Variants in TPTE observed in about 807,000 individuals in gnomAD.
TPTE encodes putative tyrosine-protein phosphatase TPTE.
A neutral mutation model predicts 84.1 loss-of-function variants in TPTE; 59 were observed. The ratio of observed to expected loss-of-function variants is 0.70; its 90% confidence interval spans 0.57 to 0.87. The LOEUF (loss-of-function observed/expected upper bound fraction) is 0.87, where lower values mean the gene tolerates loss of function less well. Among genes scored for constraint, TPTE ranks in the 40% least tolerant of loss-of-function variants. The pLI is 0.00. For missense variants in TPTE, 382 were observed against 659.6 expected, an observed-to-expected ratio of 0.58 and a Z score of 4.61; for synonymous variants, 130 against 223.5, an observed-to-expected ratio of 0.58 and a Z score of 3.73.
intron 1 of TPTE, 120 bp from the exon 2 acceptor site, chr21:10,524,460 T>C (rs1373395069): frequency 1.3e-5 from 2 of 152,614 alleles, no homozygotes; most frequent in African/African-American, 2.4e-5. Flanking sequence ...TGGGTCAAGA[T>C]TTGATTTAAC....
At chr21:10,586,719 C>A (rs1406891050) in intron 17 of TPTE, among the ~76,000 whole-genome samples, 1 of 152,412 alleles carries the variant, frequency 6.6e-6, no homozygotes, top group Non-Finnish European at 1.5e-5. Context: ...AAGATTTCAA[C>A]CTGCATCCTT....
chr21:10,565,376 G>A (rs1385721137), intron 10 of TPTE, among the ~76,000 whole-genome samples: 2 of 152,310 alleles, frequency 1.3e-5, no homozygotes, highest in Non-Finnish European at 2.9e-5. Flanking sequence ...AAAATGGAAG[G>A]AGATTCCATG....
rs769757716 is a variant in TPTE, at chr21:10,603,545, T to A, written c.1450-17T>A. The A allele has an allele frequency of 2.2e-5, 35 of 1,597,150 alleles. No homozygotes were observed. The highest frequency in any genetic ancestry group is 1.2e-4 in the African/African-American group (9 of 74,250). On this transcript the variant is annotated splice_polypyrimidine_tract_variant and intron_variant, in intron 22 of 23. Transcript: ENST00000618007. ...TCTTGGTATCAGTTTTACTTTGAAA[T>A]TTTTTTTTCTTTTTAGAATCTTCCT...
chr21:10,548,413 A>G (rs1324127473), intron 7 of TPTE, among the ~76,000 whole-genome samples: 2 of 152,312 alleles, frequency 1.3e-5, no homozygotes, highest in Admixed American at 6.5e-5. Context: ...CCTAAGAAAG[A>G]GCTCCATGGG....
At chr21:10,581,354 C>G (rs1482590322) in intron 17 of TPTE, among the ~76,000 whole-genome samples, 1 of 152,308 alleles carries the variant, frequency 6.6e-6, no homozygotes, top group Non-Finnish European at 1.5e-5. Flanking sequence ...TTAACTAATG[C>G]TAATTCCTTG....
chr21:10,587,119 T>C (rs1481324586), intron 17 of TPTE, among the ~76,000 whole-genome samples: 2 of 152,310 alleles, frequency 1.3e-5, no homozygotes, highest in Non-Finnish European at 2.9e-5. Flanking sequence ...ATATGATAAA[T>C]TGCATTAATA....
intron 5 of TPTE, among the ~76,000 whole-genome samples, 170 bp downstream of exon 5, chr21:10,541,335 G>A (rs1318273782): frequency 6.6e-6 from 1 of 152,306 alleles, no homozygotes; most frequent in Non-Finnish European, 1.5e-5. Flanking sequence ...AGCCAGGTGT[G>A]GTGGCAGGTG....
At chr21:10,562,777 C>G (rs1257199981) in intron 10 of TPTE, among the ~76,000 whole-genome samples, 1 of 152,308 alleles carries the variant, frequency 6.6e-6, no homozygotes, top group Non-Finnish European at 1.5e-5. Context: ...AGAAAATAGC[C>G]TCAAAAGGAC....
chr21:10,522,052 G>A (rs2073987999), intron 1 of TPTE, among the ~76,000 whole-genome samples: 1 of 152,114 alleles, frequency 6.6e-6, no homozygotes, highest in South Asian at 2.1e-4. Context: ...CAGGTAAAGG[G>A]GGCGCGCCCC....
intron 8 of TPTE, among the ~76,000 whole-genome samples, chr21:10,558,053 C>G (rs1451901529): frequency 6.6e-6 from 1 of 152,310 alleles, no homozygotes; most frequent in Non-Finnish European, 1.5e-5. Flanking sequence ...GAGCCTCCGG[C>G]TCCATTGATG....
At chr21:10,560,370 T>G (rs574768376) in intron 9 of TPTE, among the ~76,000 whole-genome samples, 1 of 152,428 alleles carries the variant, frequency 6.6e-6, no homozygotes, top group South Asian at 2.1e-4. Flanking sequence ...AGCTGCAAGT[T>G]TTTAAAAAAG....
chr21:10,524,157 G>T lies in TPTE; in HGVS notation c.-210-423G>T, dbSNP rs370313821. ...CTCAATAGGAGGTAAAGACCTAGAG[G>T]TGAGGTCTCTGAGCAAGGGAGTCCC... On this transcript the variant is annotated intron_variant, in intron 1 of 23. Coordinates refer to ENST00000618007, the MANE Select transcript of TPTE (RefSeq NM_199261.4). Among the ~76,000 whole-genome samples the T allele has an allele frequency of 4.5e-4, 69 of 152,400 alleles. No homozygotes were observed. In the South Asian group the frequency reaches 0.014, roughly 31 times the overall value.
At chr21:10,532,899 T>G (rs1387192563) in intron 3 of TPTE, among the ~76,000 whole-genome samples, 2 of 152,304 alleles carry the variant, frequency 1.3e-5, no homozygotes, top group Non-Finnish European at 2.9e-5. Flanking sequence ...ATGATGTTGG[T>G]CTGTCCTTGT....
intron 3 of TPTE, among the ~76,000 whole-genome samples, chr21:10,531,249 G>A (rs1231534739): frequency 2.6e-5 from 4 of 152,218 alleles, no homozygotes; most frequent in Admixed American, 6.5e-5. Context: ...CTAATGGAAG[G>A]TGTTTGGAAG....
At chr21:10,542,207 T>G (rs1480109202) in intron 5 of TPTE, among the ~76,000 whole-genome samples, 188 bp from the exon 6 acceptor site, 1 of 152,308 alleles carries the variant, frequency 6.6e-6, no homozygotes, top group Non-Finnish European at 1.5e-5. Flanking sequence ...GCCTAAGATT[T>G]TGGTTGTCGC....
intron 14 of TPTE, among the ~76,000 whole-genome samples, chr21:10,573,986 C>T (rs1485116873): frequency 7.0e-4 from 107 of 152,036 alleles, no homozygotes; most frequent in Admixed American, 1.5e-3. Flanking sequence ...AGAAAATAAA[C>T]TCCAACTCTT....
chr21:10,545,429 A>T (rs210497), intron 7 of TPTE, among the ~76,000 whole-genome samples: 31,281 of 143,950 alleles, frequency 0.22, 66 homozygotes, highest in African/African-American at 0.47. Flanking sequence ...TGTAGAGCAA[A>T]TGTACATAAT....
At chr21:10,602,417 G>A (rs1244003820) in intron 22 of TPTE, among the ~76,000 whole-genome samples, 1 of 151,860 alleles carries the variant, frequency 6.6e-6, no homozygotes, top group East Asian at 1.9e-4. Context: ...CACACACAAA[G>A]TCAAGATGCT....
rs374272545 is a variant in TPTE, at chr21:10,582,731, T to C, written c.1027+4126T>C. Reference sequence around the variant, plus strand: ...TTCCAATTTTTATTGTGATGAATTATGTTTTTTGTTTTTTTGTTTTGAGAT... The same window carrying C: ...TTCCAATTTTTATTGTGATGAATTACGTTTTTTGTTTTTTTGTTTTGAGAT... On this transcript the variant is annotated intron_variant, in intron 17 of 23. Transcript: ENST00000618007. Among the ~76,000 whole-genome samples the C allele has an allele frequency of 1.8e-3, 269 of 151,750 alleles. No individual in the cohort carries two copies. In the Middle Eastern group the frequency reaches 0.021, roughly 12 times the overall value.
Sources: allele counts gnomAD v4.1 joint callset (sites outside exome capture counted in the v4.1 genomes callset), GRCh38; gene constraint gnomAD v4.1.1; transcripts MANE v1.5; gene names NCBI Gene and HGNC (gene_info 2026-07-23, HGNC 2026-07-21).